Variants in RGS3 observed in about 807,000 individuals in gnomAD.
RGS3 encodes regulator of G-protein signalling 3.
In RGS3, 80 loss-of-function variants were observed where a neutral mutation model predicts 132.6. That is an observed-to-expected ratio of 0.60 (90% CI 0.50 to 0.73). RGS3 has a LOEUF of 0.73. Ranked by LOEUF, RGS3 falls within the 30% of genes least tolerant of loss-of-function variation. The pLI, the probability that RGS3 is intolerant of heterozygous loss-of-function variation, is 0.00. For synonymous variants in RGS3, 598 were observed against 620.6 expected, an observed-to-expected ratio of 0.96 and a Z score of 0.54; for missense variants, 1,382 against 1,530.8, an observed-to-expected ratio of 0.90 and a Z score of 1.62.
chr9:113,589,186 C>G (rs1835283194), intron 20 of RGS3: 1 of 152,230 alleles, frequency 6.6e-6, no homozygotes, highest in South Asian at 2.1e-4. Flanking sequence ...AGGGCCTTTG[C>G]AGACTAGGCC....
chr9:113,486,487 C>T (rs550146557), intron 7 of RGS3, among the ~76,000 whole-genome samples: 170 of 152,326 alleles, frequency 1.1e-3, no homozygotes, highest in Middle Eastern at 6.8e-3. Flanking sequence ...CCATTAGTGA[C>T]GGCAGTTAGA....
intron 11 of RGS3, among the ~76,000 whole-genome samples, chr9:113,505,741 G>A (rs1831102207): frequency 6.6e-6 from 1 of 152,128 alleles, no homozygotes; most frequent in Admixed American, 6.5e-5. Flanking sequence ...ATGAAAATAG[G>A]TTTTTATATT....
chr9:113,460,379 C>T (rs758047322), intron 1 of RGS3: 27 of 235,180 alleles, frequency 1.1e-4, no homozygotes, highest in South Asian at 7.9e-4. Context: ...ATTAGCCGGG[C>T]GTGTTGGCGG....
chr9:113,498,303 C>A (rs930521288), intron 10 of RGS3, among the ~76,000 whole-genome samples: 1 of 152,084 alleles, frequency 6.6e-6, no homozygotes, highest in Non-Finnish European at 1.5e-5. Context: ...ATGGCCAGGC[C>A]CCCACCTCTG....
chr9:113,511,889 T>A (rs1206449692), intron 14 of RGS3, among the ~76,000 whole-genome samples: 1 of 152,026 alleles, frequency 6.6e-6, no homozygotes, highest in African/African-American at 2.4e-5. Context: ...AGGCTGGCCA[T>A]GGGGTTTCAT....
At chr9:113,533,909 G>A (rs769646644) in intron 18 of RGS3, among the ~76,000 whole-genome samples, 30 of 152,204 alleles carry the variant, frequency 2.0e-4, no homozygotes, top group Admixed American at 6.5e-4. Context: ...TCTGGGCAGC[G>A]GAGGGAAGCT....
chr9:113,562,742 C>T (rs899117433), intron 19 of RGS3, among the ~76,000 whole-genome samples: 2 of 152,158 alleles, frequency 1.3e-5, no homozygotes, highest in Admixed American at 1.3e-4. Flanking sequence ...CATTTATGTA[C>T]CTCTGAGAAG....
At chr9:113,491,984 A>G (rs1830535784) in intron 7 of RGS3, among the ~76,000 whole-genome samples, 1 of 152,214 alleles carries the variant, frequency 6.6e-6, no homozygotes, top group South Asian at 2.1e-4. Context: ...TCTCAGTGCC[A>G]AGTACAGTGG....
At chr9:113,595,114 G>C in intron 23 of RGS3, 134 bp downstream of exon 21, 2 of 848,238 alleles carry the variant, frequency 2.4e-6, no homozygotes, top group South Asian at 3.2e-5. Flanking sequence ...TTGCTGTTGC[G>C]GAGGGGCTGA....
chr9:113,489,079 G>T (rs561816475), intron 7 of RGS3, among the ~76,000 whole-genome samples: 16 of 152,298 alleles, frequency 1.1e-4, no homozygotes, highest in African/African-American at 3.6e-4. Context: ...TCCTCATCAT[G>T]ATCCTAAGAG....
In RGS3 at chr9:113,475,652, C is replaced by T. The variant is rs534941706; in HGVS notation, c.416-3839C>T. Among the ~76,000 whole-genome samples, 4 of 152,290 alleles carry T rather than the reference C, an allele frequency of 2.6e-5. No homozygotes were observed. The South Asian group carries it at 8.3e-4, about 32-fold the overall frequency. ...GTCAAACTCCTGGACTCAAGCAATC[C>T]TCCCACCTCAGCCTCCCAAAGTGCT... On this transcript the variant is annotated intron_variant, in intron 3 of 24. Transcript: ENST00000350696.
chr9:113,500,441 G>T (rs1044148901), intron 10 of RGS3, among the ~76,000 whole-genome samples: 3 of 152,286 alleles, frequency 2.0e-5, no homozygotes, highest in Non-Finnish European at 4.4e-5. Context: ...CTCACCATGC[G>T]CTGCTCTGCA....
chr9:113,483,458 G>C (rs1830228489), intron 5 of RGS3, among the ~76,000 whole-genome samples: 1 of 152,178 alleles, frequency 6.6e-6, no homozygotes, highest in South Asian at 2.1e-4. Context: ...CCCAAACTAG[G>C]GGCAGGATGG....
chr9:113,525,752 A>G (rs926100751), intron 17 of RGS3, among the ~76,000 whole-genome samples: 6 of 152,224 alleles, frequency 3.9e-5, no homozygotes, highest in African/African-American at 1.4e-4. Context: ...ACTTGTCTGA[A>G]GAGTCCTTAG....
Position 113,591,472 on chromosome 9 carries a change from C to T in RGS3, c.3080+75C>T. 7.6e-7 allele frequency: 1 copy of T among 1,310,718 alleles called. No homozygotes were observed. The highest frequency in any genetic ancestry group is 1.1e-6 in the Non-Finnish European group (1 of 906,256). The allele number at this position is 1,310,718 out of a possible 1,614,324, so 81.2% of individuals were successfully genotyped here. On this transcript the variant is annotated intron_variant, in intron 21 of 24. Coordinates refer to ENST00000350696, the Ensembl canonical transcript of RGS3. The surrounding 1 kb of genome is among the most constrained non-coding windows in gnomAD (Gnocchi z 4.4). ...CAGGGCTTGTCTCTCCTCTAGGGGT[C>T]CAGGTGGGGAGAAGAGGTTGTGCCT...
chr9:113,483,450 C>G (rs1369621093), intron 5 of RGS3, among the ~76,000 whole-genome samples: 1 of 152,196 alleles, frequency 6.6e-6, no homozygotes, highest in Middle Eastern at 3.2e-3. Context: ...ACTTTCCCCC[C>G]AAACTAGGGG....
chr9:113,569,567 G>GTCTTTCTT (rs1564583867), intron 19 of RGS3, among the ~76,000 whole-genome samples: 1 of 124,362 alleles, frequency 8.0e-6, no homozygotes, highest in African/African-American at 3.1e-5. Context: ...TCCCTTCCGT[G>GTCTTTCTT]TCTTTCCTTC....
chr9:113,479,199 G>T, intron 3 of RGS3: 2 of 433,252 alleles, frequency 4.6e-6, no homozygotes, highest in Non-Finnish European at 4.2e-6. Context: ...CGACCCAGCA[G>T]TGAGATTTCC....
At chr9:113,496,708 G>C (rs555568585) in intron 8 of RGS3, among the ~76,000 whole-genome samples, 1 of 151,946 alleles carries the variant, frequency 6.6e-6, no homozygotes, top group Non-Finnish European at 1.5e-5. Context: ...CTGCCACCAC[G>C]CCTGGCTAAT....
Sources: allele counts gnomAD v4.1 joint callset (sites outside exome capture counted in the v4.1 genomes callset), GRCh38; gene constraint gnomAD v4.1.1; non-coding constraint Gnocchi (gnomAD v3.1); transcripts MANE v1.5; gene names NCBI Gene and HGNC (gene_info 2026-07-23, HGNC 2026-07-21).